The following PLAC1 variants were observed in gnomAD, a reference collection of about 807,000 sequenced individuals.
The protein encoded by PLAC1 is placenta associated 1.
For missense variants in PLAC1, 136 were observed against 163.2 expected, an observed-to-expected ratio of 0.83 and a Z score of 0.91; for synonymous variants, 68 against 62.1, an observed-to-expected ratio of 1.09 and a Z score of -0.44.
intron 2 of PLAC1, among the ~76,000 whole-genome samples, chrX:134,581,448 A>G (rs180907590): frequency 3.2e-3 from 345 of 106,895 alleles, no homozygotes; most frequent in Non-Finnish European, 4.8e-3. Flanking sequence ...TTTCCCCCCA[A>G]TAATACCATC....
At chrX:134,578,862 C>T (rs1231379286) in intron 2 of PLAC1, among the ~76,000 whole-genome samples, 1 of 109,304 alleles carries the variant, frequency 9.1e-6, no homozygotes, top group Non-Finnish European at 1.9e-5. Flanking sequence ...TTTCTTGCAC[C>T]GAATTTAAAA....
At chrX:134,746,707 T>A (rs753043309) in intron 1 of PLAC1, among the ~76,000 whole-genome samples, 3 of 111,717 alleles carry the variant, frequency 2.7e-5, no homozygotes, top group Non-Finnish European at 3.8e-5. Context: ...GATCTCAGCG[T>A]CGAGACTGCC....
intron 2 of PLAC1, among the ~76,000 whole-genome samples, chrX:134,681,687 G>A (rs1261758789): frequency 9.0e-6 from 1 of 111,162 alleles, no homozygotes; most frequent in Non-Finnish European, 1.9e-5. Context: ...GAGATCTTTT[G>A]CTTAATTCAC....
At chrX:134,678,182 C>T (rs1243661723) in intron 2 of PLAC1, among the ~76,000 whole-genome samples, 1 of 111,178 alleles carries the variant, frequency 9.0e-6, no homozygotes, top group Admixed American at 9.6e-5. Flanking sequence ...TCTGTAGACT[C>T]GGTCTAATGG....
intron 1 of PLAC1, among the ~76,000 whole-genome samples, chrX:134,617,240 C>T (rs2078188125): frequency 9.0e-6 from 1 of 111,724 alleles, no homozygotes; most frequent in Non-Finnish European, 1.9e-5. Flanking sequence ...CTGCCTGCCT[C>T]GGCCTCCCAA....
At chrX:134,708,271 A>C (rs1466539500) in intron 2 of PLAC1, among the ~76,000 whole-genome samples, 1 of 111,835 alleles carries the variant, frequency 8.9e-6, no homozygotes. Context: ...AAACTAACAG[A>C]ATTCGTCACT....
chrX:134,611,119 A>G (rs1255083275), intron 1 of PLAC1, among the ~76,000 whole-genome samples: 1 of 110,729 alleles, frequency 9.0e-6, no homozygotes, highest in Non-Finnish European at 1.9e-5. Flanking sequence ...GGCTCAAGTG[A>G]TTTGCCCACC....
At chrX:134,678,738 A>G (rs958463215) in intron 2 of PLAC1, among the ~76,000 whole-genome samples, 13 of 111,919 alleles carry the variant, frequency 1.2e-4, no homozygotes, top group African/African-American at 4.2e-4. Flanking sequence ...ATGGCCCCTA[A>G]AAAGATACAT....
chrX:134,627,157 T>C (rs145202714), intron 1 of PLAC1, among the ~76,000 whole-genome samples: 1,433 of 111,846 alleles, frequency 0.013, 23 homozygotes, highest in African/African-American at 0.044. Context: ...CATTTGAAAA[T>C]GGTTCCCAAA....
intron 2 of PLAC1, among the ~76,000 whole-genome samples, chrX:134,598,304 G>A (rs2124382411): frequency 8.9e-6 from 1 of 112,156 alleles, no homozygotes; most frequent in East Asian, 2.8e-4. Flanking sequence ...GAGCTCGTCA[G>A]CTGCTGAACT....
chrX:134,680,992 T>C (rs1390633158), intron 2 of PLAC1, among the ~76,000 whole-genome samples: 1 of 111,471 alleles, frequency 9.0e-6, no homozygotes. Context: ...ACCAGAATCA[T>C]ACCGGCAGAT....
intron 2 of PLAC1, among the ~76,000 whole-genome samples, chrX:134,721,319 T>C (rs2078656607): frequency 9.0e-6 from 1 of 111,395 alleles, no homozygotes; most frequent in African/African-American, 3.3e-5. Context: ...ACGCCTATAA[T>C]CCCAGCACTT....
At chrX:134,752,607 C>A (rs2078747382) in intron 1 of PLAC1, among the ~76,000 whole-genome samples, 1 of 111,274 alleles carries the variant, frequency 9.0e-6, no homozygotes, top group African/African-American at 3.3e-5. Flanking sequence ...TAGAAATATA[C>A]AGCTCATTCA....
At position 134,694,686 on chromosome X, in the gene PLAC1, A is replaced by C. The variant is rs571218422; in HGVS notation, n.174+38749T>G. 3.2e-3 allele frequency among the ~76,000 whole-genome samples: 358 copies of C among 112,544 alleles called. 1 individual carries two copies. The highest frequency in any genetic ancestry group is 0.011 in the African/African-American group (341 of 31,043). ...GTATCAACTGGCAGCATATAATGCC[A>C]GCTAAGAAGAATCAAGTCTCTGGTG... is the stretch of plus-strand genomic sequence containing the variant. On this transcript the variant is annotated intron_variant and non_coding_transcript_variant, in intron 2 of 2. Coordinates refer to the PLAC1 transcript ENST00000466797.
At chrX:134,743,002 A>C (rs1326753776) in intron 1 of PLAC1, among the ~76,000 whole-genome samples, 1 of 112,206 alleles carries the variant, frequency 8.9e-6, no homozygotes, top group Non-Finnish European at 1.9e-5. Context: ...GTGAAATAGC[A>C]CATGTTTCAC....
intron 2 of PLAC1, among the ~76,000 whole-genome samples, chrX:134,680,341 A>T (rs775676076): frequency 9.0e-6 from 1 of 111,557 alleles, no homozygotes; most frequent in Non-Finnish European, 1.9e-5. Context: ...ACTAAGACCC[A>T]GGTATCCCTG....
At chrX:134,650,503 G>A (rs1038475933) in intron 1 of PLAC1, among the ~76,000 whole-genome samples, 4 of 110,959 alleles carry the variant, frequency 3.6e-5, no homozygotes, top group African/African-American at 1.3e-4. Context: ...TTTAGGAAGT[G>A]GAAGTGTTCA....
chrX:134,636,528 A>C (rs1050323192), intron 1 of PLAC1, among the ~76,000 whole-genome samples: 3 of 112,442 alleles, frequency 2.7e-5, no homozygotes. Flanking sequence ...ATACAGTTGA[A>C]GCCAAATGCT....
chrX:134,677,561 C>T (rs759664173), intron 2 of PLAC1, among the ~76,000 whole-genome samples: 19 of 110,446 alleles, frequency 1.7e-4, no homozygotes, highest in Non-Finnish European at 2.7e-4. Flanking sequence ...GGTGCAAAGT[C>T]CTTGAGGTAG....
Sources: allele counts gnomAD v4.1 joint callset (sites outside exome capture counted in the v4.1 genomes callset), GRCh38; gene constraint gnomAD v4.1.1; transcripts MANE v1.5; gene names NCBI Gene and HGNC (gene_info 2026-07-23, HGNC 2026-07-21).